Variants in MTA3 observed in about 807,000 individuals in gnomAD.
MTA3 encodes the protein metastasis-associated protein MTA3.
Under a neutral mutation model 83.5 loss-of-function variants are expected in MTA3, and 34 were observed. The ratio of observed to expected loss-of-function variants is 0.41; its 90% CI spans 0.31 to 0.54. MTA3 has a LOEUF of 0.54. MTA3 is among the 20% of genes least tolerant of loss of function. The pLI is 0.33. For missense variants in MTA3, 761 were observed against 726.4 expected (o/e 1.05, Z -0.55); for synonymous variants, 303 against 252.7 (o/e 1.20, Z -1.89).
intron 8 of MTA3, among the ~76,000 whole-genome samples, chr2:42,679,053 C>G (rs963248102): frequency 3.3e-5 from 5 of 152,144 alleles, no homozygotes; most frequent in Non-Finnish European, 5.9e-5. Context: ...GTTAACTGAT[C>G]TGGTGCCCCA....
rs186323774 is a variant in MTA3, at chr2:42,615,794, C to T, written c.317+6210C>T. 1.7e-4 allele frequency among the ~76,000 whole-genome samples: 21 copies of T among 120,716 alleles called. No homozygotes were observed. The East Asian group carries it at 5.5e-3, about 32-fold the overall frequency. The allele number at this position is 120,716 out of a possible 152,430, so 79.2% of individuals were successfully genotyped here. On this transcript the variant is annotated intron_variant, in intron 4 of 16. Coordinates refer to ENST00000405094, the MANE Select transcript of MTA3 (RefSeq NM_001330442.2). ...GGAGTGTGGTGGCCTGATCTTGGCT[C>T]ACTGCAAGCTCTGCCTCCCGGGTTC...
rs192447673 is a variant in MTA3 at position 42,548,242 on chromosome 2, A to G, written c.-140-22195A>G. Reference sequence around the variant, plus strand: ...CACTTTGGGAGGCTGAGAGGGGCAGATTGCTTGAGGTCAGGAATTCGAGAC... The same window carrying G: ...CACTTTGGGAGGCTGAGAGGGGCAGGTTGCTTGAGGTCAGGAATTCGAGAC... On this transcript the variant is annotated intron_variant, in intron 2 of 17. Transcript: ENST00000405592. Among the ~76,000 whole-genome samples the G allele has an allele frequency of 4.8e-3, 725 of 152,280 alleles. 4 individuals are homozygous for G. Among genetic ancestry groups the G allele is most frequent in the Non-Finnish European group, 8.4e-3 (574 of 68,020 alleles).
intron 8 of MTA3, among the ~76,000 whole-genome samples, chr2:42,680,836 C>T (rs757063992): frequency 1.3e-4 from 20 of 152,062 alleles, no homozygotes; most frequent in Non-Finnish European, 2.1e-4. Context: ...ACTGCAGCCT[C>T]GACCTCCCTG....
intron 6 of MTA3, among the ~76,000 whole-genome samples, chr2:42,650,304 T>C (rs1688590800): frequency 1.3e-5 from 2 of 152,212 alleles, no homozygotes; most frequent in African/African-American, 4.8e-5. Flanking sequence ...GAAAAATTTA[T>C]AGGAACATAG....
chr2:42,495,255 G>A lies in MTA3; in HGVS notation c.-141+1G>A, dbSNP rs1358454735. The A allele has an allele frequency of 1.3e-5, 2 of 152,508 alleles. No individual in the cohort carries two copies. The highest frequency in any genetic ancestry group is 2.9e-5 in the Non-Finnish European group (2 of 68,016). 9.4% of individuals were successfully genotyped at this position (152,508 alleles called of 1,614,324 possible). A position where few individuals can be genotyped will look rare whatever the true frequency, so the allele number is the denominator to read the frequency against. ...AGTGAAAAGGCAGACAACTGAAAAT[G>A]TGAGTGCTGTCTTTTAAGTAAAATC... is the stretch of plus-strand genomic sequence containing the variant. On this transcript the variant is annotated splice_donor_variant, in intron 2 of 17. Transcript: ENST00000405592. LOFTEE classifies it low-confidence loss of function (5UTR_SPLICE).
At chr2:42,679,108 C>T (rs192555165) in intron 8 of MTA3, among the ~76,000 whole-genome samples, 4 of 152,212 alleles carry the variant, frequency 2.6e-5, no homozygotes, top group African/African-American at 9.6e-5. Flanking sequence ...CAGTCTTTGA[C>T]CTAAAAATTC....
intron 16 of MTA3, among the ~76,000 whole-genome samples, chr2:42,740,769 TTTG>T (rs766055539): frequency 6.6e-6 from 1 of 152,260 alleles, no homozygotes; most frequent in Admixed American, 6.5e-5. Flanking sequence ...TCATTTAGGC[TTTG>T]TTGTTCTATT....
intron 8 of MTA3, among the ~76,000 whole-genome samples, chr2:42,681,468 T>C (rs938631292): frequency 1.3e-5 from 2 of 152,226 alleles, no homozygotes; most frequent in African/African-American, 4.8e-5. Context: ...ATGGCTGTGC[T>C]GTGTATCTTG....
At chr2:42,622,776 G>C (rs1012493124) in intron 4 of MTA3, among the ~76,000 whole-genome samples, 1 of 151,930 alleles carries the variant, frequency 6.6e-6, no homozygotes, top group African/African-American at 2.4e-5. Context: ...ATAGGTGTGA[G>C]CTACCACACC....
At chr2:42,706,932 C>T (rs1666143209) in intron 12 of MTA3, among the ~76,000 whole-genome samples, 1 of 152,002 alleles carries the variant, frequency 6.6e-6, no homozygotes, top group African/African-American at 2.4e-5. Flanking sequence ...AAACAGATAC[C>T]TGTTTGTTTC....
intron 8 of MTA3, among the ~76,000 whole-genome samples, chr2:42,678,484 A>C (rs1441897577): frequency 1.3e-5 from 2 of 151,806 alleles, no homozygotes; most frequent in East Asian, 3.9e-4. Flanking sequence ...ATTACAGGTG[A>C]CTGCCACCAC....
chr2:42,621,891 G>C (rs1254392579), intron 4 of MTA3, among the ~76,000 whole-genome samples: 1 of 151,080 alleles, frequency 6.6e-6, no homozygotes, highest in South Asian at 2.1e-4. Flanking sequence ...TCACTTCCTA[G>C]ACGGGAAGAG....
chr2:42,602,630 G>C (rs1331192715), intron 3 of MTA3, among the ~76,000 whole-genome samples: 2 of 152,166 alleles, frequency 1.3e-5, no homozygotes, highest in African/African-American at 2.4e-5. Context: ...ATGAGGGCTA[G>C]GGTGATCAAA....
chr2:42,574,132 G>T (rs1378369204), intron 2 of MTA3, among the ~76,000 whole-genome samples: 1 of 147,536 alleles, frequency 6.8e-6, no homozygotes, highest in Non-Finnish European at 1.5e-5. Flanking sequence ...CACCGCGCCC[G>T]GCTTTTTTTT....
At chr2:42,558,794 A>G (rs1188413514) in intron 2 of MTA3, among the ~76,000 whole-genome samples, 1 of 151,462 alleles carries the variant, frequency 6.6e-6, no homozygotes, top group Admixed American at 6.6e-5. Context: ...AGCTCATGCA[A>G]TCCGCCTGCC....
chr2:42,725,395 C>T (rs936350483), intron 16 of MTA3, among the ~76,000 whole-genome samples: 2 of 152,172 alleles, frequency 1.3e-5, no homozygotes, highest in East Asian at 1.9e-4. Context: ...TGAATGAAAT[C>T]GTGGCTCTCA....
chr2:42,738,563 G>C (rs1440563370), intron 16 of MTA3, among the ~76,000 whole-genome samples: 1 of 152,212 alleles, frequency 6.6e-6, no homozygotes, highest in Non-Finnish European at 1.5e-5. Flanking sequence ...TGTACAGCAT[G>C]TGTGTTTGTG....
chr2:42,672,553 G>A (rs1044674091), intron 8 of MTA3, among the ~76,000 whole-genome samples: 8 of 148,896 alleles, frequency 5.4e-5, no homozygotes, highest in Non-Finnish European at 8.9e-5. Context: ...GCTGAGGCAC[G>A]AGAATCTCTT....
At chr2:42,592,391 T>G (rs907255565) in intron 3 of MTA3, among the ~76,000 whole-genome samples, 8 of 151,948 alleles carry the variant, frequency 5.3e-5, no homozygotes, top group Admixed American at 2.6e-4. Context: ...TAAGACCAGC[T>G]TGAGCAACAT....
Sources: allele counts gnomAD v4.1 joint callset (sites outside exome capture counted in the v4.1 genomes callset), GRCh38; gene constraint gnomAD v4.1.1; transcripts MANE v1.5; gene names NCBI Gene and HGNC (gene_info 2026-07-23, HGNC 2026-07-21).